TGFBR3: variants seen among roughly 807,000 people sequenced by gnomAD.
The protein encoded by TGFBR3 is transforming growth factor beta receptor type 3.
TGFBR3 carries 46 observed loss-of-function variants against 87.9 expected under a neutral mutation model. The ratio of observed to expected loss-of-function variants is 0.52; its 90% confidence interval spans 0.41 to 0.67. The LOEUF is 0.67. Among genes scored for constraint, TGFBR3 ranks in the 30% least tolerant of loss-of-function variants. TGFBR3 has a pLI of 0.00. For missense variants in TGFBR3, 866 were observed against 1,041.9 expected (o/e 0.83, Z 2.32); for synonymous variants, 381 against 391.6 (o/e 0.97, Z 0.32).
At chr1:91,758,527 T>C in intron 4 of TGFBR3, 86 bp downstream of exon 4, 5 of 1,476,468 alleles carry the variant, frequency 3.4e-6, no homozygotes, top group East Asian at 2.3e-5. Flanking sequence ...TCAGTGAAAG[T>C]AAGCCTTTAT....
At chr1:91,706,933 T>C (rs956894326) in intron 14 of TGFBR3, among the ~76,000 whole-genome samples, 2 of 152,244 alleles carry the variant, frequency 1.3e-5, no homozygotes, top group African/African-American at 4.8e-5. Context: ...ATATAAAGAC[T>C]GGGTCTATTA....
At chr1:91,876,466 G>T (rs918211408) in intron 1 of TGFBR3, among the ~76,000 whole-genome samples, 2 of 152,112 alleles carry the variant, frequency 1.3e-5, no homozygotes, top group Non-Finnish European at 2.9e-5. Flanking sequence ...GCTAGGCTTC[G>T]CACCTCCATA....
intron 1 of TGFBR3, among the ~76,000 whole-genome samples, chr1:91,871,120 G>C (rs1678567377): frequency 6.6e-6 from 1 of 151,998 alleles, no homozygotes; most frequent in Non-Finnish European, 1.5e-5. Context: ...ACCTAGGTCT[G>C]TCTAATTCCA....
Position 91,800,251 on chromosome 1 carries a change from TATATAC to T in TGFBR3, c.62-2786_62-2781del, listed in dbSNP as rs1362874021. On this transcript the variant is annotated intron_variant, in intron 2 of 16. Transcript: ENST00000212355. ...TACAAAAAAAAAAAAAATATATATA[TATATAC>T]ACACACACACACACACACACACTCA... is the stretch of plus-strand genomic sequence containing the variant. 5.7e-3 allele frequency among the ~76,000 whole-genome samples: 775 copies of T among 136,874 alleles called. 5 individuals carry two copies. The highest frequency in any genetic ancestry group is 0.017 in the African/African-American group (574 of 33,370). 89.8% of individuals were successfully genotyped at this position (136,874 alleles called of 152,430 possible). A position where few individuals can be genotyped will look rare whatever the true frequency, so the allele number is the denominator to read the frequency against.
At chr1:91,849,126 T>G (rs1362323689) in intron 2 of TGFBR3, among the ~76,000 whole-genome samples, 1 of 152,134 alleles carries the variant, frequency 6.6e-6, no homozygotes, top group Non-Finnish European at 1.5e-5. Context: ...GGAGTCCTGG[T>G]CATCATTTTC....
At chr1:91,756,836 C>A (rs1673763823) in intron 4 of TGFBR3, among the ~76,000 whole-genome samples, 1 of 152,098 alleles carries the variant, frequency 6.6e-6, no homozygotes, top group Admixed American at 6.6e-5. Context: ...AAAACCTTGC[C>A]ACATTTGCTT....
At chr1:91,750,371 A>G (rs552319312) in intron 4 of TGFBR3, among the ~76,000 whole-genome samples, 1 of 152,374 alleles carries the variant, frequency 6.6e-6, no homozygotes, top group Non-Finnish European at 1.5e-5. Context: ...TCTAATTGCC[A>G]TAGTGACATT....
At chr1:91,797,955 T>G (rs1019387793) in intron 2 of TGFBR3, among the ~76,000 whole-genome samples, 1 of 152,140 alleles carries the variant, frequency 6.6e-6, no homozygotes, top group Non-Finnish European at 1.5e-5. Flanking sequence ...AGATGTAACA[T>G]GTAGAGGCGA....
chr1:91,882,139 T>C (rs1014411982), intron 1 of TGFBR3, among the ~76,000 whole-genome samples: 2 of 68,116 alleles, frequency 2.9e-5, no homozygotes, highest in Non-Finnish European at 6.8e-5. Flanking sequence ...ATTGAAAACC[T>C]TTTTTTTTTT....
chr1:91,786,683 G>C (rs1427862773), intron 3 of TGFBR3, among the ~76,000 whole-genome samples: 1 of 151,866 alleles, frequency 6.6e-6, no homozygotes, highest in Non-Finnish European at 1.5e-5. Flanking sequence ...CTCGGGAGGC[G>C]GAGGTTGCAG....
At chr1:91,759,061 G>A (rs1187119146) in intron 3 of TGFBR3, among the ~76,000 whole-genome samples, 1 of 152,168 alleles carries the variant, frequency 6.6e-6, no homozygotes, top group East Asian at 1.9e-4. Context: ...AGCAAAGGTG[G>A]AACAAAAGTT....
At chr1:91,900,406 G>A (rs1048143556) in intron 1 of TGFBR3, among the ~76,000 whole-genome samples, 2 of 152,126 alleles carry the variant, frequency 1.3e-5, no homozygotes, top group South Asian at 2.1e-4. Context: ...GAATCACCAC[G>A]CCCAGCCAAA....
rs370777554 is a variant in TGFBR3, at chr1:91,698,079, A to G, written c.2329+10T>C. ...AGGTTTTATTTCGAAATAGTTGCAT[A>G]AAGACTTACGTGGAGAAATTGGATT... On this transcript the variant is annotated intron_variant, in intron 15 of 16. Coordinates refer to ENST00000212355, the MANE Select transcript of TGFBR3 (RefSeq NM_003243.5). 1 of 1,613,486 alleles carries G rather than the reference A, an allele frequency of 6.2e-7. No homozygotes were observed. The highest frequency in any genetic ancestry group is 1.3e-5 in the African/African-American group (1 of 74,928).
In TGFBR3 at chr1:91,720,245, A is replaced by C. The variant is rs1008732451; in HGVS notation, c.1076-15T>G. 5.7e-6 allele frequency: 9 copies of C among 1,566,622 alleles called. No homozygotes were observed. In the Admixed American group the frequency reaches 7.6e-5, roughly 13 times the overall value. ...CATCTCCTCTGCTGGTGAAAGAAGA[A>C]GGCAAAACATCAGCAGTGTTTGATG... On this transcript the variant is annotated splice_polypyrimidine_tract_variant and intron_variant, in intron 8 of 16. Transcript: ENST00000212355.
intron 2 of TGFBR3, among the ~76,000 whole-genome samples, chr1:91,816,450 T>C (rs1218009028): frequency 6.6e-6 from 1 of 152,234 alleles, no homozygotes; most frequent in African/African-American, 2.4e-5. Flanking sequence ...ACTCCTGCGT[T>C]CTCAACTGCA....
At chr1:91,729,188 CA>C (rs1672666823) in intron 6 of TGFBR3, among the ~76,000 whole-genome samples, 4 of 143,380 alleles carry the variant, frequency 2.8e-5, no homozygotes, top group Non-Finnish European at 4.5e-5. Flanking sequence ...CACACACACA[CA>C]CACACACCAA....
chr1:91,777,262 C>G lies in TGFBR3; in HGVS notation c.247-18512G>C, dbSNP rs559594416. On this transcript the variant is annotated intron_variant, in intron 3 of 16. Coordinates refer to ENST00000212355, the MANE Select transcript of TGFBR3 (RefSeq NM_003243.5). ...ACACTGCCCCTTCCAGTGTCACAGG[C>G]TGTCACAATTCACCTGGCTTTGAAG... 7.9e-5 allele frequency among the ~76,000 whole-genome samples: 12 copies of G among 152,068 alleles called. No homozygotes were observed. The South Asian group carries it at 2.5e-3, about 32-fold the overall frequency.
intron 3 of TGFBR3, among the ~76,000 whole-genome samples, chr1:91,764,173 A>T (rs568795105): frequency 6.6e-6 from 1 of 151,838 alleles, no homozygotes; most frequent in Non-Finnish European, 1.5e-5. Context: ...CTCTTTCCCA[A>T]TGGTTTTGTC....
At chr1:91,713,512 G>A (rs952767924) in intron 12 of TGFBR3, among the ~76,000 whole-genome samples, 13 of 152,146 alleles carry the variant, frequency 8.5e-5, no homozygotes, top group Non-Finnish European at 2.9e-5. Context: ...AACACTTGTA[G>A]AAACAGCTAG....
Sources: gnomAD v4.1 joint callset for allele counts (sites outside exome capture counted in the v4.1 genomes callset) on GRCh38, gnomAD v4.1.1 for gene constraint, MANE v1.5 for transcripts, NCBI Gene and HGNC (gene_info 2026-07-23, HGNC 2026-07-21) for gene names.